The following DISC1 variants were observed in gnomAD, a reference collection of about 807,000 sequenced individuals.
DISC1 encodes DISC1 scaffold protein, also known as disrupted in schizophrenia 1 protein.
In DISC1, 57 loss-of-function variants were observed where a neutral mutation model predicts 84.5. The observed-to-expected ratio is 0.67, with a 90% CI of 0.55 to 0.84. The LOEUF (loss-of-function observed/expected upper bound fraction) is 0.84. Ranked by LOEUF, DISC1 falls within the 40% of genes least tolerant of loss-of-function variation. DISC1 has a pLI of 0.00. For missense variants in DISC1, 1,000 were observed against 1,057.8 expected (o/e 0.95, Z 0.76); for synonymous variants, 411 against 415.2 (o/e 0.99, Z 0.12).
At chr1:231,885,413 G>A (rs1419889866) in intron 9 of DISC1, among the ~76,000 whole-genome samples, 1 of 152,152 alleles carries the variant, frequency 6.6e-6, no homozygotes, top group Admixed American at 6.5e-5. Context: ...TAAGAGTGAG[G>A]GAAGGAGTGT....
intron 9 of DISC1, among the ~76,000 whole-genome samples, chr1:231,895,427 T>G (rs1219842030): frequency 1.4e-5 from 2 of 148,014 alleles, no homozygotes; most frequent in Non-Finnish European, 3.0e-5. Flanking sequence ...TATATGTGTG[T>G]GTGTATATAT....
intron 10 of DISC1, among the ~76,000 whole-genome samples, chr1:231,977,546 A>G (rs913466962): frequency 6.6e-6 from 1 of 152,190 alleles, no homozygotes; most frequent in Admixed American, 6.5e-5. Flanking sequence ...GAACCTTGTG[A>G]TTACATCAGA....
At chr1:231,758,188 C>A (rs1354249241) in intron 4 of DISC1, among the ~76,000 whole-genome samples, 1 of 152,014 alleles carries the variant, frequency 6.6e-6, no homozygotes, top group Admixed American at 6.6e-5. Flanking sequence ...TCCTCTTTCT[C>A]ACTCTAGTTT....
At chr1:231,989,806 A>G (rs973270453) in intron 10 of DISC1, among the ~76,000 whole-genome samples, 1 of 152,188 alleles carries the variant, frequency 6.6e-6, no homozygotes, top group Admixed American at 6.5e-5. Context: ...GTACCTGTGC[A>G]GTTCTCTCCA....
intron 1 of DISC1, among the ~76,000 whole-genome samples, chr1:231,660,745 G>A (rs951465123): frequency 3.9e-5 from 6 of 152,252 alleles, no homozygotes; most frequent in African/African-American, 1.4e-4. Flanking sequence ...GTGAGCCACT[G>A]TGCCTGGCCT....
At position 231,639,259 on chromosome 1, in the gene DISC1, T is replaced by C. The variant is rs149183499; in HGVS notation, c.67+12325T>C. 3.4e-3 allele frequency among the ~76,000 whole-genome samples: 517 copies of C among 152,340 alleles called. 2 individuals carry two copies. Among genetic ancestry groups the C allele is most frequent in the Middle Eastern group, 0.01 (3 of 294 alleles). On this transcript the variant is annotated intron_variant, in intron 1 of 12. Transcript: ENST00000439617. ...GCAAAAATCTCTAAAGGAGCCTCCA[T>C]CTACACATTTCGTGAGAGAAAAATG... is the stretch of plus-strand genomic sequence containing the variant.
chr1:231,834,962 C>T (rs1485072070), intron 9 of DISC1, among the ~76,000 whole-genome samples: 1 of 152,188 alleles, frequency 6.6e-6, no homozygotes, highest in African/African-American at 2.4e-5. Flanking sequence ...AACGCGTCTC[C>T]TTCATCTCTA....
chr1:232,028,554 G>A (rs1302307731), intron 12 of DISC1, among the ~76,000 whole-genome samples: 2 of 152,176 alleles, frequency 1.3e-5, no homozygotes, highest in African/African-American at 4.8e-5. Context: ...TCATGGACAA[G>A]TGATAATGCC....
At chr1:231,798,617 G>C (rs2125629982) in intron 7 of DISC1, among the ~76,000 whole-genome samples, 1 of 152,282 alleles carries the variant, frequency 6.6e-6, no homozygotes, top group Middle Eastern at 3.4e-3. Context: ...GCCAAACTAA[G>C]ACTTGGTGCT....
rs559259111 is a variant in DISC1 at position 231,806,376 on chromosome 1, A to G, written c.1792+6166A>G. ...GCCTGTGCAGTCTCCTGACTGGCCA[A>G]CTAGGCTGGGCCACTTGTCAATGGG... On this transcript the variant is annotated intron_variant, in intron 8 of 12. Coordinates refer to ENST00000439617, the MANE Select transcript of DISC1 (RefSeq NM_018662.3). Among the ~76,000 whole-genome samples, 7 of 152,314 alleles carry G rather than the reference A, an allele frequency of 4.6e-5. No individual in the cohort carries two copies. In the East Asian group the frequency reaches 7.7e-4, roughly 17 times the overall value.
rs1359168774 is a variant in DISC1 at position 231,818,390 on chromosome 1, A to G, written c.1854A>G (p.Arg618=). 18 of 1,613,994 alleles carry G rather than the reference A, an allele frequency of 1.1e-5. No homozygotes were observed. Among genetic ancestry groups the G allele is most frequent in the Non-Finnish European group, 1.4e-5 (16 of 1,180,000 alleles). ...AGATTAGATCATTAACATCAGAGAG[A>G]GAAGGGCTGGAGGGACTCCTCAGCA... ...TEEIRSLTSE[R]EGLEGLLSKL... is the part of the protein sequence containing the mutation. The change falls in exon 9 of 13, where the codon AGA becomes AGG. Residue 618 remains arginine, a synonymous_variant. Transcript: ENST00000439617.
chr1:231,947,030 C>T (rs1023577507), intron 9 of DISC1, among the ~76,000 whole-genome samples: 1 of 152,144 alleles, frequency 6.6e-6, no homozygotes, highest in Admixed American at 6.6e-5. Context: ...ACCATACTGC[C>T]CAAAGTAATT....
At position 231,705,074 on chromosome 1, in the gene DISC1, G is replaced by A. The variant is rs533665154; in HGVS notation, c.1117+3050G>A. ...CAGACCAAGGCGGGTGGATCATGAG[G>A]TCAGGAGTTTGAGACCAGCCTGGCC... is the stretch of plus-strand genomic sequence containing the variant. On this transcript the variant is annotated intron_variant, in intron 3 of 12. Transcript: ENST00000439617. Among the ~76,000 whole-genome samples, 7 of 151,622 alleles carry A rather than the reference G, an allele frequency of 4.6e-5. No individual in the cohort carries two copies. The South Asian group carries it at 1.5e-3, about 32-fold the overall frequency.
At chr1:231,773,627 GC>G (rs1447241357) in intron 6 of DISC1, among the ~76,000 whole-genome samples, 2 of 152,130 alleles carry the variant, frequency 1.3e-5, no homozygotes, top group Non-Finnish European at 2.9e-5. Context: ...CTCATGATCT[GC>G]CCTCCTTGGC....
chr1:232,024,727 G>A (rs991682243), intron 11 of DISC1, among the ~76,000 whole-genome samples: 1 of 151,734 alleles, frequency 6.6e-6, no homozygotes, highest in Non-Finnish European at 1.5e-5. Context: ...TGAGTGGCTG[G>A]GATTACAGGC....
rs60654464 is a variant in DISC1 at position 231,885,691 on chromosome 1, C to G, written c.1981+67174C>G. Among the ~76,000 whole-genome samples, 948 of 152,194 alleles carry G rather than the reference C, an allele frequency of 6.2e-3. 5 individuals carry two copies. Among genetic ancestry groups the G allele is most frequent in the African/African-American group, 0.022 (894 of 41,504 alleles). On this transcript the variant is annotated intron_variant, in intron 9 of 12. Transcript: ENST00000439617. ...TTCTGAACCAGTCCGTGTGTCAGTC[C>G]TGTGGATATGCATTTCATGAATGAG...
intron 1 of DISC1, among the ~76,000 whole-genome samples, chr1:231,676,207 A>G (rs138688668): frequency 9.1e-4 from 139 of 152,256 alleles, no homozygotes; most frequent in African/African-American, 3.2e-3. Flanking sequence ...CTTTGTTTTG[A>G]TACATAACAG....
At chr1:231,704,707 C>T (rs1415311257) in intron 3 of DISC1, among the ~76,000 whole-genome samples, 1 of 141,066 alleles carries the variant, frequency 7.1e-6, no homozygotes, top group East Asian at 2.2e-4. Context: ...TTGCAGTGAG[C>T]CGAGATGGCG....
chr1:231,776,911 C>T (rs1412540407), intron 6 of DISC1, among the ~76,000 whole-genome samples: 1 of 152,098 alleles, frequency 6.6e-6, no homozygotes, highest in Admixed American at 6.5e-5. Flanking sequence ...TGGGAGGGGT[C>T]CCATTAATGC....
Sources: allele counts gnomAD v4.1 joint callset (sites outside exome capture counted in the v4.1 genomes callset), GRCh38; gene constraint gnomAD v4.1.1; transcripts MANE v1.5; gene names NCBI Gene and HGNC (gene_info 2026-07-23, HGNC 2026-07-21).